Variants in LMNTD1 observed in about 807,000 individuals in gnomAD.
LMNTD1 encodes lamin tail domain containing 1.
LMNTD1 carries 35 observed loss-of-function variants against 50.9 expected under a neutral mutation model. The observed-to-expected ratio is 0.69, with a 90% confidence interval of 0.53 to 0.91. LMNTD1 has a LOEUF of 0.91. Ranked by LOEUF, LMNTD1 falls within the 40% of genes least tolerant of loss-of-function variation. The pLI, the probability that LMNTD1 is intolerant of heterozygous loss-of-function variation, is 0.00. For missense variants in LMNTD1, 470 were observed against 475.5 expected (o/e 0.99, Z 0.11); for synonymous variants, 153 against 161.9 (o/e 0.94, Z 0.42).
chr12:25,483,400 T>C (rs1938509349), intron 9 of LMNTD1, among the ~76,000 whole-genome samples: 3 of 151,678 alleles, frequency 2.0e-5, no homozygotes, highest in Admixed American at 1.3e-4. Context: ...TCCAGCTTGG[T>C]GACAAAGGGA....
At chr12:25,549,579 A>ATAAT in intron 2 of LMNTD1, 33 bp from the exon 3 acceptor site, 1 of 1,223,786 alleles carries the variant, frequency 8.2e-7, no homozygotes, top group African/African-American at 1.6e-5. Context: ...AAATAAATAA[A>ATAAT]TAAGAAAGTA....
intron 9 of LMNTD1, among the ~76,000 whole-genome samples, chr12:25,503,325 G>T (rs1182128862): frequency 6.6e-6 from 1 of 152,308 alleles, no homozygotes; most frequent in East Asian, 1.9e-4. Flanking sequence ...TTTAGCAAGT[G>T]AGAACAGCTG....
intron 1 of LMNTD1, among the ~76,000 whole-genome samples, chr12:25,572,045 G>A (rs1320858767): frequency 6.6e-6 from 1 of 152,134 alleles, no homozygotes; most frequent in East Asian, 1.9e-4. Context: ...CCTCCCCTAG[G>A]TTTTGGAGCC....
intron 1 of LMNTD1, among the ~76,000 whole-genome samples, chr12:25,645,700 C>T (rs1047250593): frequency 3.9e-5 from 6 of 152,190 alleles, no homozygotes; most frequent in African/African-American, 7.2e-5. Flanking sequence ...CAAACCCAGC[C>T]GTGACATGTA....
intron 1 of LMNTD1, among the ~76,000 whole-genome samples, chr12:25,562,918 T>A (rs201272685): frequency 6.6e-6 from 1 of 152,240 alleles, no homozygotes; most frequent in East Asian, 1.9e-4. Flanking sequence ...TTTCTTCCAC[T>A]TGATCAAATC....
At chr12:25,559,732 G>A (rs559286981) in intron 1 of LMNTD1, among the ~76,000 whole-genome samples, 81 of 152,224 alleles carry the variant, frequency 5.3e-4, no homozygotes, top group East Asian at 3.5e-3. Context: ...TTTAATGATC[G>A]CCATTCTAAC....
chr12:25,502,027 G>A (rs1939419296), intron 9 of LMNTD1, among the ~76,000 whole-genome samples: 1 of 152,006 alleles, frequency 6.6e-6, no homozygotes, highest in Non-Finnish European at 1.5e-5. Flanking sequence ...TTCAAAACAG[G>A]GTGGGCAGAT....
chr12:25,581,783 C>T (rs939468878), intron 1 of LMNTD1, among the ~76,000 whole-genome samples: 14 of 152,202 alleles, frequency 9.2e-5, no homozygotes, highest in African/African-American at 3.4e-4. Flanking sequence ...TATGGGATAG[C>T]CTATTGCCCC....
chr12:25,509,707 C>T (rs1727148178), intron 8 of LMNTD1, among the ~76,000 whole-genome samples: 1 of 152,068 alleles, frequency 6.6e-6, no homozygotes, highest in Non-Finnish European at 1.5e-5. Context: ...TTAGTATAGG[C>T]CCTAACCCAG....
chr12:25,495,158 T>C (rs886603521), intron 9 of LMNTD1, among the ~76,000 whole-genome samples: 1 of 152,054 alleles, frequency 6.6e-6, no homozygotes. Flanking sequence ...TCAAAGCTCA[T>C]TGGTAATTAA....
At chr12:25,509,185 G>C (rs572900330) in intron 8 of LMNTD1, among the ~76,000 whole-genome samples, 1 of 152,250 alleles carries the variant, frequency 6.6e-6, no homozygotes, top group African/African-American at 2.4e-5. Context: ...TCGGCTCACT[G>C]CAACCTCCGC....
In LMNTD1 at chr12:25,510,080, T is replaced by A. The variant is rs1234969921; in HGVS notation, c.1190-6280A>T. ...AAATTTAAAACCCTGTAAGACAACATCGGTATTATTTTGTGTAGTAAACAT... is the reference window on the plus strand; with the variant it reads ...AAATTTAAAACCCTGTAAGACAACAACGGTATTATTTTGTGTAGTAAACAT... On this transcript the variant is annotated intron_variant, in intron 8 of 9. Coordinates refer to ENST00000458174, the MANE Select transcript of LMNTD1 (RefSeq NM_001145728.2). Among the ~76,000 whole-genome samples, 4 of 152,218 alleles carry A rather than the reference T, an allele frequency of 2.6e-5. No homozygotes were observed. The East Asian group carries it at 7.7e-4, about 29-fold the overall frequency.
At chr12:25,632,168 C>T (rs890035497) in intron 1 of LMNTD1, among the ~76,000 whole-genome samples, 1 of 152,112 alleles carries the variant, frequency 6.6e-6, no homozygotes, top group African/African-American at 2.4e-5. Context: ...AATGACCAAA[C>T]CTAAGAATAA....
At chr12:25,551,774 ACCTGAACCTT>A (rs1943758879) in intron 2 of LMNTD1, among the ~76,000 whole-genome samples, 1 of 152,196 alleles carries the variant, frequency 6.6e-6, no homozygotes, top group Admixed American at 6.5e-5. Context: ...ACAGCCCATC[ACCTGAACCTT>A]CCACTTGCCT....
At chr12:25,489,137 G>A (rs1366674829) in intron 9 of LMNTD1, among the ~76,000 whole-genome samples, 1 of 152,030 alleles carries the variant, frequency 6.6e-6, no homozygotes, top group Non-Finnish European at 1.5e-5. Context: ...AGGCCTCCTT[G>A]AACAGTGGTG....
upstream of LMNTD1, among the ~76,000 whole-genome samples, chr12:25,556,098 A>G (rs755171218): frequency 6.6e-6 from 1 of 150,930 alleles, no homozygotes; most frequent in Non-Finnish European, 1.5e-5. Context: ...TTAGCCTCCC[A>G]AGTAGCTAGG....
At chr12:25,644,274 A>G (rs1947014405) in intron 1 of LMNTD1, among the ~76,000 whole-genome samples, 1 of 148,444 alleles carries the variant, frequency 6.7e-6, no homozygotes, top group East Asian at 2.0e-4. Context: ...CCAGGAGTTC[A>G]AGAGCAGAAT....
intron 1 of LMNTD1, among the ~76,000 whole-genome samples, chr12:25,603,340 G>A (rs188021526): frequency 6.6e-6 from 1 of 152,114 alleles, no homozygotes; most frequent in East Asian, 1.9e-4. Context: ...CCAGGCCGGA[G>A]CACAGTCATT....
intron 8 of LMNTD1, among the ~76,000 whole-genome samples, chr12:25,510,043 T>C (rs898803916): frequency 1.3e-5 from 2 of 152,238 alleles, no homozygotes; most frequent in Non-Finnish European, 2.9e-5. Flanking sequence ...GTCATGTATT[T>C]AAATTCTATC....
Sources: allele counts gnomAD v4.1 joint callset (sites outside exome capture counted in the v4.1 genomes callset), GRCh38; gene constraint gnomAD v4.1.1; transcripts MANE v1.5; gene names NCBI Gene and HGNC (gene_info 2026-07-23, HGNC 2026-07-21).